Variants in CUL1 observed in about 807,000 individuals in gnomAD.
CUL1 encodes cullin-1.
CUL1 carries 24 observed loss-of-function variants against 118.0 expected under a neutral mutation model. The observed-to-expected ratio is 0.20, with a 90% CI of 0.15 to 0.29. The LOEUF is 0.29. Ranked by LOEUF, CUL1 falls within the 10% of genes least tolerant of loss-of-function variation. The pLI, the probability that CUL1 is intolerant of heterozygous loss-of-function variation, is 1.00. For synonymous variants in CUL1, 332 were observed against 340.4 expected (o/e 0.98, Z 0.27); for missense variants, 361 against 933.8 (o/e 0.39, Z 7.99).
intron 9 of CUL1, among the ~76,000 whole-genome samples, chr7:148,781,689 C>T (rs1246077340): frequency 2.0e-5 from 3 of 152,112 alleles, no homozygotes; most frequent in Non-Finnish European, 2.9e-5. Flanking sequence ...AATGACAAGT[C>T]GCAAGCAAGA....
chr7:148,790,176 C>T (rs193185597), intron 15 of CUL1, 134 bp from the exon 16 acceptor site: 5 of 944,468 alleles, frequency 5.3e-6, no homozygotes, highest in Non-Finnish European at 6.6e-6. Flanking sequence ...AGGCAGACAC[C>T]TGGCGTTTGT....
chr7:148,800,496 AC>A lies in CUL1; in HGVS notation c.2251-3del. 6.2e-7 allele frequency: 1 copy of A among 1,610,858 alleles called. No homozygotes were observed. Among genetic ancestry groups the A allele is most frequent in the Non-Finnish European group, 8.5e-7 (1 of 1,177,192 alleles). Reference sequence around the variant, plus strand: ...CTACCTCTTCCTTTTTAAAAATAACACCCAGAAATGCATTGACATTCTAATT... The same window carrying A: ...CTACCTCTTCCTTTTTAAAAATAACACCAGAAATGCATTGACATTCTAATT... On this transcript the variant is annotated splice_region_variant and splice_polypyrimidine_tract_variant and intron_variant, in intron 21 of 21. Transcript: ENST00000325222. The surrounding 1 kb of genome is among the most constrained non-coding windows in gnomAD (Gnocchi z 4.6).
Position 148,730,129 on chromosome 7 carries a change from T to C in CUL1, c.7T>C (p.Ser3Pro). ...CTTTAGAACATCCCTCACAATGTCG[T>C]CAACCCGGAGCCAGAACCCCCACGG... MS[S>P]TRSQNPHGLK... is the part of the protein sequence containing the mutation. Residue 3 changes from serine (S) to proline (P), a missense_variant, in exon 2 of 22, where the codon TCA (serine) becomes CCA (proline). This residue lies in a region of CUL1 where 22 missense variants were observed against 20.6 expected (regional missense o/e 1.07). Transcript: ENST00000325222. The C allele has an allele frequency of 6.2e-7, 1 of 1,613,310 alleles. No homozygotes were observed. Among genetic ancestry groups the C allele is most frequent in the Non-Finnish European group, 8.5e-7 (1 of 1,179,782 alleles).
chr7:148,722,543 C>G (rs1013801164), intron 1 of CUL1, among the ~76,000 whole-genome samples: 2 of 152,320 alleles, frequency 1.3e-5, no homozygotes, highest in East Asian at 3.9e-4. Context: ...GGGTCCACCT[C>G]CTCCTCATGC....
At chr7:148,727,368 C>G (rs532884615) in intron 1 of CUL1, among the ~76,000 whole-genome samples, 1 of 152,332 alleles carries the variant, frequency 6.6e-6, no homozygotes, top group East Asian at 1.9e-4. Flanking sequence ...TGAGCAAGTT[C>G]AGATGCTTGA....
chr7:148,748,239 G>A (rs185282069), intron 2 of CUL1, among the ~76,000 whole-genome samples: 2 of 152,166 alleles, frequency 1.3e-5, no homozygotes, highest in African/African-American at 4.8e-5. Flanking sequence ...AACCAAACTC[G>A]TCTATCAGAT....
chr7:148,797,901 T>C (rs1485918599), intron 18 of CUL1, 36 bp from the exon 19 acceptor site: 1 of 1,609,758 alleles, frequency 6.2e-7, no homozygotes, highest in Non-Finnish European at 8.5e-7. Flanking sequence ...AGAAGCCTTT[T>C]CCTGAGATTG....
In CUL1 at chr7:148,766,733, A is replaced by G. The variant is rs752818525; in HGVS notation, c.952+10A>G. On this transcript the variant is annotated intron_variant, in intron 8 of 21. Coordinates refer to ENST00000325222, the MANE Select transcript of CUL1 (RefSeq NM_003592.3). ...GCTGACAAAAATGAAGGTGAGCCACAAGACTCATAAAATGTAGGTATTTAT... is the reference window on the plus strand; with the variant it reads ...GCTGACAAAAATGAAGGTGAGCCACGAGACTCATAAAATGTAGGTATTTAT... 1.3e-5 allele frequency: 21 copies of G among 1,605,450 alleles called. No homozygotes were observed. The highest frequency in any genetic ancestry group is 3.4e-5 in the Admixed American group (2 of 58,484).
chr7:148,725,044 G>A (rs1304518832), intron 1 of CUL1, among the ~76,000 whole-genome samples: 1 of 152,082 alleles, frequency 6.6e-6, no homozygotes, highest in Non-Finnish European at 1.5e-5. Flanking sequence ...AGTTTGTAAA[G>A]TAAAATTCAA....
chr7:148,698,590 CCCGGGGCCG>C (rs1357389326), upstream of CUL1: 2 of 151,846 alleles, frequency 1.3e-5, no homozygotes, highest in African/African-American at 2.4e-5. Flanking sequence ...AAGGGGCGCC[CCCGGGGCCG>C]CCGGCAGCGG....
intron 2 of CUL1, among the ~76,000 whole-genome samples, chr7:148,753,004 AAC>A (rs1252027041): frequency 6.6e-6 from 1 of 152,196 alleles, no homozygotes; most frequent in African/African-American, 2.4e-5. Context: ...CCAGCCTGAG[AAC>A]AGATAAGCGT....
chr7:148,700,603 A>C (rs1158861019), intron 1 of CUL1, among the ~76,000 whole-genome samples: 1 of 152,248 alleles, frequency 6.6e-6, no homozygotes, highest in Non-Finnish European at 1.5e-5. Flanking sequence ...GAGTCGAAAT[A>C]GTTGCGTTAC....
intron 4 of CUL1, among the ~76,000 whole-genome samples, chr7:148,758,246 A>G (rs1448963286): frequency 1.3e-5 from 2 of 152,220 alleles, no homozygotes. Flanking sequence ...CCACACAGAC[A>G]ATGCCCTTTA....
At chr7:148,723,708 C>A (rs1452009299) in intron 1 of CUL1, among the ~76,000 whole-genome samples, 1 of 149,118 alleles carries the variant, frequency 6.7e-6, no homozygotes, top group Non-Finnish European at 1.5e-5. Flanking sequence ...TGAGGTATAT[C>A]ATTTTTAAAT....
intron 11 of CUL1, among the ~76,000 whole-genome samples, chr7:148,785,306 T>C (rs1800778149): frequency 6.6e-6 from 1 of 152,168 alleles, no homozygotes; most frequent in Non-Finnish European, 1.5e-5. Context: ...CTGCATGTTA[T>C]GACTATGGAG....
chr7:148,703,296 G>A lies in CUL1; in HGVS notation c.-162+4267G>A, dbSNP rs149310348. On this transcript the variant is annotated intron_variant, in intron 1 of 21. Transcript: ENST00000325222. ...GTGGGAGAGTAATTGGGCACTGATA[G>A]CATAGACACGAACAGTTCTGGAACT... Among the ~76,000 whole-genome samples the A allele has an allele frequency of 6.7e-3, 1,027 of 152,292 alleles. 8 individuals are homozygous for A. The highest frequency in any genetic ancestry group is 0.016 in the Admixed American group (244 of 15,296).
At chr7:148,796,806 G>A (rs1223818507) in intron 17 of CUL1, among the ~76,000 whole-genome samples, 3 of 152,196 alleles carry the variant, frequency 2.0e-5, no homozygotes, top group Non-Finnish European at 2.9e-5. Context: ...GGCTCAGGAA[G>A]TGGGCACCCC....
At chr7:148,789,133 T>C (rs1584819901) in intron 14 of CUL1, among the ~76,000 whole-genome samples, 1 of 152,306 alleles carries the variant, frequency 6.6e-6, no homozygotes, top group East Asian at 1.9e-4. Context: ...AGTAGTAGGA[T>C]GGCGGATTTA....
At chr7:148,782,290 A>G (rs1414746335) in intron 9 of CUL1, among the ~76,000 whole-genome samples, 1 of 152,252 alleles carries the variant, frequency 6.6e-6, no homozygotes, top group Admixed American at 6.5e-5. Context: ...GAAGTAAGAT[A>G]TGGCCCAACT....
Sources: allele counts gnomAD v4.1 joint callset (sites outside exome capture counted in the v4.1 genomes callset), GRCh38; gene constraint gnomAD v4.1.1; regional missense constraint gnomAD v4.1.1; non-coding constraint Gnocchi (gnomAD v3.1); transcripts MANE v1.5; gene names NCBI Gene and HGNC (gene_info 2026-07-23, HGNC 2026-07-21).